Variants in GPM6A observed in about 807,000 individuals in gnomAD.
The protein encoded by GPM6A is glycoprotein M6A.
A neutral mutation model predicts 32.1 loss-of-function variants in GPM6A; 7 were observed. That is an observed-to-expected ratio of 0.22 (90% confidence interval 0.12 to 0.41). The LOEUF (loss-of-function observed/expected upper bound fraction) is 0.41, where lower values mean the gene tolerates loss of function less well. Among genes scored for constraint, GPM6A ranks in the 10% least tolerant of loss-of-function variants. GPM6A has a pLI of 1.00. For synonymous variants in GPM6A, 130 were observed against 123.4 expected (o/e 1.05, Z -0.35); for missense variants, 235 against 347.2 (o/e 0.68, Z 2.57).
chr4:175,999,194 A>G (rs914080488), intron 1 of GPM6A, among the ~76,000 whole-genome samples: 4 of 152,262 alleles, frequency 2.6e-5, no homozygotes, highest in African/African-American at 9.6e-5. Context: ...ATAGTGATAT[A>G]CATGTAGTCA....
chr4:175,952,742 G>A (rs968396447), intron 1 of GPM6A, among the ~76,000 whole-genome samples: 2 of 152,060 alleles, frequency 1.3e-5, no homozygotes, highest in Non-Finnish European at 2.9e-5. Flanking sequence ...GTATTACAAT[G>A]CCCAAAGAAA....
At chr4:175,849,383 G>A (rs1736183587) in intron 1 of GPM6A, among the ~76,000 whole-genome samples, 1 of 152,210 alleles carries the variant, frequency 6.6e-6, no homozygotes, top group Non-Finnish European at 1.5e-5. Context: ...TTTGGCGAAT[G>A]CAGTATCGTA....
At chr4:175,908,833 T>C (rs1738212359) in intron 1 of GPM6A, among the ~76,000 whole-genome samples, 1 of 152,094 alleles carries the variant, frequency 6.6e-6, no homozygotes, top group South Asian at 2.1e-4. Flanking sequence ...GAAAAGATTG[T>C]TTTTCTCATA....
chr4:175,928,230 C>T (rs956035857), intron 1 of GPM6A, among the ~76,000 whole-genome samples: 1 of 152,052 alleles, frequency 6.6e-6, no homozygotes, highest in African/African-American at 2.4e-5. Flanking sequence ...TTACAGAATG[C>T]CTTCTAATAA....
intron 1 of GPM6A, among the ~76,000 whole-genome samples, chr4:175,868,208 A>T (rs906042796): frequency 6.6e-6 from 1 of 152,204 alleles, no homozygotes; most frequent in Non-Finnish European, 1.5e-5. Context: ...GTTGGAGGCA[A>T]CAGTTTGCCC....
chr4:175,847,449 G>A (rs1736125381), intron 1 of GPM6A, among the ~76,000 whole-genome samples: 1 of 152,124 alleles, frequency 6.6e-6, no homozygotes, highest in Non-Finnish European at 1.5e-5. Context: ...ATTCTGCCTA[G>A]GACGTGCCTC....
chr4:175,946,039 A>G (rs1237455446), intron 1 of GPM6A, among the ~76,000 whole-genome samples: 1 of 152,178 alleles, frequency 6.6e-6, no homozygotes, highest in Non-Finnish European at 1.5e-5. Flanking sequence ...AATGTACGCT[A>G]TTTGGATGCT....
chr4:175,676,995 G>T (rs1743407074), intron 2 of GPM6A, among the ~76,000 whole-genome samples: 1 of 151,874 alleles, frequency 6.6e-6, no homozygotes, highest in Non-Finnish European at 1.5e-5. Flanking sequence ...AACTTAACTT[G>T]TCAAATTATT....
At chr4:175,873,143 T>C (rs1419080609) in intron 1 of GPM6A, among the ~76,000 whole-genome samples, 2 of 152,014 alleles carry the variant, frequency 1.3e-5, no homozygotes, top group African/African-American at 4.8e-5. Flanking sequence ...TGAAGGACAA[T>C]GTGTGTTTTT....
In GPM6A at chr4:175,869,797, C is replaced by T. The variant is rs534793346; in HGVS notation, c.-22-57548G>A. Among the ~76,000 whole-genome samples the T allele has an allele frequency of 5.3e-5, 8 of 152,008 alleles. No individual in the cohort carries two copies. The East Asian group carries it at 1.5e-3, about 29-fold the overall frequency. On this transcript the variant is annotated intron_variant, in intron 1 of 7. Transcript: ENST00000280187. ...AAAAACAAACAAAAAAAAATACTAA[C>T]AGAGCACTTACTTTGTGCCAAGTAT...
At chr4:175,637,221 TAA>T in intron 6 of GPM6A, among the ~76,000 whole-genome samples, 1 of 29,508 alleles carries the variant, frequency 3.4e-5, no homozygotes, top group Admixed American at 6.7e-4. Flanking sequence ...ATATCATATA[TAA>T]TATAAAATAT....
At chr4:175,670,121 C>A (rs1742970767) in intron 3 of GPM6A, among the ~76,000 whole-genome samples, 1 of 152,156 alleles carries the variant, frequency 6.6e-6, no homozygotes, top group Admixed American at 6.5e-5. Flanking sequence ...GTTGTGGTAG[C>A]CCTAGCAAAC....
chr4:175,918,805 CAT>C (rs753016390), intron 1 of GPM6A, among the ~76,000 whole-genome samples: 18 of 152,200 alleles, frequency 1.2e-4, no homozygotes, highest in East Asian at 7.7e-4. Context: ...CAGCATATCA[CAT>C]GTTTTATCTT....
intron 1 of GPM6A, among the ~76,000 whole-genome samples, chr4:175,757,721 A>C (rs555270042): frequency 4.6e-5 from 7 of 152,290 alleles, no homozygotes; most frequent in African/African-American, 1.7e-4. Flanking sequence ...TGTAATGAGA[A>C]GAGTATCTGA....
chr4:175,689,007 C>G lies in GPM6A; in HGVS notation c.230+12568G>C, dbSNP rs115276356. Among the ~76,000 whole-genome samples the G allele has an allele frequency of 2.7e-3, 418 of 152,266 alleles. 3 individuals carry two copies. Among genetic ancestry groups the G allele is most frequent in the African/African-American group, 9.8e-3 (407 of 41,554 alleles). ...AGCTTGGACTACAGGCAGGCACCAC[C>G]ATGCCTGGCTAATTATTCTACTTTT... On this transcript the variant is annotated intron_variant, in intron 2 of 6. Coordinates refer to ENST00000393658, the MANE Select transcript of GPM6A (RefSeq NM_201591.3).
At chr4:175,901,642 C>CTTT (rs59429547) in intron 1 of GPM6A, among the ~76,000 whole-genome samples, 2,196 of 119,272 alleles carry the variant, frequency 0.018, 68 homozygotes, top group African/African-American at 0.066. Context: ...TTTTTTTTTC[C>CTTT]TTTTTTTTTT....
At chr4:175,883,962 T>C (rs1737361924) in intron 1 of GPM6A, among the ~76,000 whole-genome samples, 1 of 152,222 alleles carries the variant, frequency 6.6e-6, no homozygotes, top group Admixed American at 6.5e-5. Context: ...TTTGAAAATG[T>C]ATAAAATTGA....
intron 1 of GPM6A, among the ~76,000 whole-genome samples, chr4:175,709,378 C>T (rs1204705836): frequency 4.6e-5 from 7 of 151,556 alleles, no homozygotes; most frequent in Non-Finnish European, 1.0e-4. Flanking sequence ...TTCTTCCTTT[C>T]TCTCTTCTTA....
intron 1 of GPM6A, among the ~76,000 whole-genome samples, chr4:175,938,737 C>A (rs1309232776): frequency 2.7e-3 from 355 of 133,538 alleles, no homozygotes; most frequent in East Asian, 2.6e-3. Flanking sequence ...AAAGTAAAAC[C>A]AAAAAAAAAA....
Sources: gnomAD v4.1 joint callset for allele counts (sites outside exome capture counted in the v4.1 genomes callset) on GRCh38, gnomAD v4.1.1 for gene constraint, MANE v1.5 for transcripts, NCBI Gene and HGNC (gene_info 2026-07-23, HGNC 2026-07-21) for gene names.